CTNND1: variants seen among roughly 807,000 people sequenced by gnomAD.
CTNND1 encodes the protein catenin delta-1.
Under a neutral mutation model 112.1 loss-of-function variants are expected in CTNND1, and 16 were observed. That is an observed-to-expected ratio of 0.14 (90% CI 0.10 to 0.22). CTNND1 has a LOEUF of 0.22. Ranked by LOEUF, CTNND1 falls within the 10% of genes least tolerant of loss-of-function variation. The pLI, the probability that CTNND1 is intolerant of heterozygous loss-of-function variation, is 1.00. For missense variants in CTNND1, 1,008 were observed against 1,257.0 expected (o/e 0.80, Z 3.00); for synonymous variants, 420 against 446.5 (o/e 0.94, Z 0.75).
At chr11:57,802,955 T>A (rs1435929910) in intron 7 of CTNND1, among the ~76,000 whole-genome samples, 2 of 152,192 alleles carry the variant, frequency 1.3e-5, no homozygotes, top group Non-Finnish European at 2.9e-5. Context: ...GCTACTGGCA[T>A]CTAGTGAGTA....
At chr11:57,813,044 T>C (rs2063555516) in intron 17 of CTNND1, among the ~76,000 whole-genome samples, 1 of 152,184 alleles carries the variant, frequency 6.6e-6, no homozygotes, top group Non-Finnish European at 1.5e-5. Flanking sequence ...GAAAAGACTT[T>C]TCTAGGCTGA....
chr11:57,794,807 T>C (rs943068197), intron 4 of CTNND1, among the ~76,000 whole-genome samples: 6 of 149,778 alleles, frequency 4.0e-5, no homozygotes, highest in Non-Finnish European at 8.9e-5. Flanking sequence ...AAAAGTTCTT[T>C]ATTTTAGACT....
intron 1 of CTNND1, among the ~76,000 whole-genome samples, chr11:57,767,864 T>G (rs923895507): frequency 3.3e-5 from 5 of 151,728 alleles, no homozygotes; most frequent in Non-Finnish European, 7.4e-5. Flanking sequence ...GACGGAGTCT[T>G]GCTCTGTCTC....
chr11:57,816,422 C>T lies in CTNND1; in HGVS notation c.*114C>T. On this transcript the variant is annotated 3_prime_UTR_variant, in exon 21 of 21. Transcript: ENST00000399050. ...ACTATTGTGCCAACTGCCAGGCTGC[C>T]TCCTGCCCTTACAGCCCTAAGTGGC... The T allele has an allele frequency of 1.5e-6, 2 of 1,369,788 alleles. No homozygotes were observed. The highest frequency in any genetic ancestry group is 1.8e-5 in the Admixed American group (1 of 56,264). The allele number at this position is 1,369,788 out of a possible 1,614,324, so 84.9% of individuals were successfully genotyped here. A position where few individuals can be genotyped will look rare whatever the true frequency, so the allele number is the denominator to read the frequency against.
intron 15 of CTNND1, 132 bp downstream of exon 15, chr11:57,809,598 C>T (rs1230119392): frequency 1.3e-5 from 10 of 756,026 alleles, no homozygotes; most frequent in Non-Finnish European, 1.9e-5. Context: ...GCTCTATTAT[C>T]TGTCTTAATG....
chr11:57,777,318 G>C (rs575578046), intron 1 of CTNND1, among the ~76,000 whole-genome samples: 7 of 152,226 alleles, frequency 4.6e-5, no homozygotes, highest in East Asian at 3.9e-4. Flanking sequence ...ACCCAGGCTG[G>C]AGTGTAGTGG....
In CTNND1 at chr11:57,815,387, T is replaced by TA. The variant is rs762792793; in HGVS notation, c.2702-5dup. On this transcript the variant is annotated splice_polypyrimidine_tract_variant and splice_region_variant and intron_variant, in intron 18 of 20. Transcript: ENST00000399050. Reference sequence around the variant, plus strand: ...ATATTTCTGTGTACTTTTTTTTTTTTAACCAGATAACAACTATTCCACACC... The same window carrying TA: ...ATATTTCTGTGTACTTTTTTTTTTTTAAACCAGATAACAACTATTCCACACC... 6.6e-6 allele frequency: 10 copies of TA among 1,525,242 alleles called. No homozygotes were observed. The highest frequency in any genetic ancestry group is 1.4e-5 in the African/African-American group (1 of 71,058). The allele number at this position is 1,525,242 out of a possible 1,614,324, so 94.5% of individuals were successfully genotyped here.
At chr11:57,778,718 ATTTG>A (rs963002834) in intron 1 of CTNND1, among the ~76,000 whole-genome samples, 1 of 152,160 alleles carries the variant, frequency 6.6e-6, no homozygotes, top group South Asian at 2.1e-4. Context: ...AGCACTTTGT[ATTTG>A]TTTGTTTCTG....
intron 1 of CTNND1, among the ~76,000 whole-genome samples, chr11:57,762,987 A>G (rs1332373308): frequency 6.6e-6 from 1 of 152,222 alleles, no homozygotes; most frequent in African/African-American, 2.4e-5. Context: ...TAGAAAAACC[A>G]TTTATACAAA....
At chr11:57,806,712 C>A in intron 11 of CTNND1, 1 of 630,686 alleles carries the variant, frequency 1.6e-6, no homozygotes, top group Non-Finnish European at 2.8e-6. Context: ...TGGTCATCCT[C>A]ATCTTACCTA....
At chr11:57,790,385 CTTT>C (rs1274143869) in intron 2 of CTNND1, among the ~76,000 whole-genome samples, 5 of 139,610 alleles carry the variant, frequency 3.6e-5, no homozygotes, top group Non-Finnish European at 4.7e-5. Context: ...TTCTTTCTTT[CTTT>C]TTTTTTTTTT....
chr11:57,764,828 G>A (rs1023200996), intron 1 of CTNND1, among the ~76,000 whole-genome samples: 8 of 152,102 alleles, frequency 5.3e-5, no homozygotes, highest in Admixed American at 4.6e-4. Flanking sequence ...GAACTAAAAC[G>A]AGCCCTTGCT....
chr11:57,798,974 T>C (rs932346921), intron 6 of CTNND1, among the ~76,000 whole-genome samples: 2 of 152,224 alleles, frequency 1.3e-5, no homozygotes, highest in Admixed American at 6.5e-5. Context: ...GTTGTCTTGA[T>C]GGTAAGGATA....
chr11:57,799,942 A>G (rs557835161), intron 6 of CTNND1, among the ~76,000 whole-genome samples: 1 of 137,718 alleles, frequency 7.3e-6, no homozygotes, highest in East Asian at 2.1e-4. Flanking sequence ...TTAATAGCCT[A>G]CTTTTAAGCT....
chr11:57,809,421 G>C lies in CTNND1; in HGVS notation c.2390G>C (p.Arg797Pro). The change falls in exon 15 of 21, where the codon CGA (arginine) becomes CCA (proline). Residue 797 changes from arginine (R) to proline (P), a missense_variant. Arg to Pro is a moderately radical substitution (Grantham distance 103). This residue lies in a region of CTNND1 where 254 missense variants were observed against 279.5 expected (regional missense o/e 0.91). Coordinates refer to ENST00000399050, the MANE Select transcript of CTNND1 (RefSeq NM_001085458.2). ...AENLEAAKKL[R>P]ETQGIEKLVL... ...AACTTGGAGGCTGCCAAAAAGCTTC[G>C]AGAGACACAGGGTATTGAGAAGCTG... is the stretch of plus-strand genomic sequence containing the variant. 1 of 1,613,622 alleles carries C rather than the reference G, an allele frequency of 6.2e-7. No individual in the cohort carries two copies. Among genetic ancestry groups the C allele is most frequent in the African/African-American group, 1.3e-5 (1 of 75,026 alleles).
chr11:57,796,303 G>A (rs1334014305), intron 5 of CTNND1, among the ~76,000 whole-genome samples, 154 bp from the exon 6 acceptor site: 1 of 151,524 alleles, frequency 6.6e-6, no homozygotes, highest in Admixed American at 6.6e-5. Flanking sequence ...GGAGAATTGC[G>A]TGAACCTGGG....
intron 1 of CTNND1, chr11:57,781,556 C>T (rs1165292665): frequency 2.6e-5 from 4 of 152,174 alleles, no homozygotes; most frequent in African/African-American, 9.7e-5. Flanking sequence ...TCCCTCTTAT[C>T]TTTGTTTCCT....
rs926411737 is a variant in CTNND1, at chr11:57,798,136, C to A, written c.956+1144C>A. Among the ~76,000 whole-genome samples the A allele has an allele frequency of 2.0e-4, 31 of 152,100 alleles. 1 individual carries two copies. The highest frequency in any genetic ancestry group is 7.0e-4 in the African/African-American group (29 of 41,492). On this transcript the variant is annotated intron_variant, in intron 6 of 20. Transcript: ENST00000399050. ...GGCCGAGTTGGGCGGATCACGAGGT[C>A]AGGAGATCGAGATCATCCTGGCTAA...
intron 1 of CTNND1, among the ~76,000 whole-genome samples, chr11:57,766,201 A>C (rs753083318): frequency 2.6e-4 from 39 of 152,314 alleles, no homozygotes; most frequent in Non-Finnish European, 3.7e-4. Context: ...GCCATTTTCT[A>C]GGGGAGAGTA....
Sources: allele counts gnomAD v4.1 joint callset (sites outside exome capture counted in the v4.1 genomes callset), GRCh38; gene constraint gnomAD v4.1.1; regional missense constraint gnomAD v4.1.1; transcripts MANE v1.5; gene names NCBI Gene and HGNC (gene_info 2026-07-23, HGNC 2026-07-21).